TTC28: variants seen among roughly 807,000 people sequenced by gnomAD.
TTC28 encodes tetratricopeptide repeat domain 28.
Under a neutral mutation model 198.0 loss-of-function variants are expected in TTC28, and 61 were observed. The ratio of observed to expected loss-of-function variants is 0.31; its 90% CI spans 0.25 to 0.38. The LOEUF is 0.38. TTC28 is among the 10% of genes least tolerant of loss of function. The probability of loss-of-function intolerance (pLI) is 1.00; values close to 1 mark genes in which losing one functional copy is unlikely to be tolerated. For synonymous variants in TTC28, 1,171 were observed against 1,297.8 expected (o/e 0.90, Z 2.10); for missense variants, 2,678 against 3,164.0 (o/e 0.85, Z 3.69).
At chr22:28,395,292 CT>C in intron 2 of TTC28, among the ~76,000 whole-genome samples, 1 of 152,256 alleles carries the variant, frequency 6.6e-6, no homozygotes, top group South Asian at 2.1e-4. Flanking sequence ...TTTCTTCTTT[CT>C]TTCTCTTCCC....
At chr22:28,255,420 C>T (rs898501914) in intron 5 of TTC28, among the ~76,000 whole-genome samples, 3 of 152,172 alleles carry the variant, frequency 2.0e-5, no homozygotes, top group African/African-American at 7.2e-5. Context: ...CAGTGGCTCA[C>T]ACCTGTAATC....
At chr22:28,343,027 T>G (rs1165891836) in intron 2 of TTC28, among the ~76,000 whole-genome samples, 1 of 151,950 alleles carries the variant, frequency 6.6e-6, no homozygotes, top group Non-Finnish European at 1.5e-5. Context: ...TATGAAAACA[T>G]CTAGTTGGTG....
intron 5 of TTC28, among the ~76,000 whole-genome samples, chr22:28,286,031 A>ACT (rs2044680008): frequency 6.6e-6 from 1 of 151,428 alleles, no homozygotes; most frequent in Admixed American, 6.6e-5. Flanking sequence ...ACAGAATCTC[A>ACT]CTCTGTCACC....
At chr22:28,198,716 G>A (rs1408937893) in intron 5 of TTC28, among the ~76,000 whole-genome samples, 2 of 152,060 alleles carry the variant, frequency 1.3e-5, no homozygotes, top group East Asian at 1.9e-4. Flanking sequence ...TTCCACACAC[G>A]TATTGAGACT....
At chr22:28,273,443 CA>C (rs537755097) in intron 5 of TTC28, among the ~76,000 whole-genome samples, 3 of 150,298 alleles carry the variant, frequency 2.0e-5, no homozygotes, top group Non-Finnish European at 3.0e-5. Context: ...ATTGAAATTC[CA>C]AAAAAATAAC....
chr22:28,134,784 A>G (rs998208384), intron 6 of TTC28, among the ~76,000 whole-genome samples: 2 of 152,228 alleles, frequency 1.3e-5, no homozygotes, highest in Non-Finnish European at 2.9e-5. Flanking sequence ...GCAGGATATT[A>G]TCCAGGAGAA....
chr22:28,371,509 C>CAAAAAAAAAAAAAAAAAAAAAAAAAAAAA (rs1229801209), intron 2 of TTC28, among the ~76,000 whole-genome samples: 1 of 6,104 alleles, frequency 1.6e-4, no homozygotes, highest in African/African-American at 5.2e-4. Context: ...GACCCTGTCT[C>CAAAAAAAAAAAAAAAAAAAAAAAAAAAAA]AAAAAAAAAA....
chr22:28,080,527 G>A (rs950506339), intron 12 of TTC28, among the ~76,000 whole-genome samples: 1 of 145,618 alleles, frequency 6.9e-6, no homozygotes, highest in Non-Finnish European at 1.5e-5. Flanking sequence ...TTTTTAAATT[G>A]GATTTTGTTG....
intron 2 of TTC28, among the ~76,000 whole-genome samples, chr22:28,550,566 C>A (rs544861457): frequency 1.3e-5 from 2 of 152,068 alleles, no homozygotes; most frequent in Non-Finnish European, 2.9e-5. Context: ...TCATTTGTAT[C>A]AGTAGCAAAG....
At chr22:27,995,743 G>T (rs566732919) in intron 17 of TTC28, among the ~76,000 whole-genome samples, 91 of 152,284 alleles carry the variant, frequency 6.0e-4, no homozygotes, top group South Asian at 1.7e-3. Flanking sequence ...AAAGTGACTT[G>T]CCCAAAGCCA....
At chr22:28,279,714 T>C (rs1373021758) in intron 5 of TTC28, among the ~76,000 whole-genome samples, 1 of 152,142 alleles carries the variant, frequency 6.6e-6, no homozygotes. Context: ...GTAACCCAAA[T>C]ACATATTAAG....
intron 8 of TTC28, 51 bp from the exon 9 acceptor site, chr22:28,101,331 C>T (rs747783407): frequency 1.4e-6 from 2 of 1,433,922 alleles, no homozygotes; most frequent in Admixed American, 2.0e-5. Flanking sequence ...GATAATTCCA[C>T]TATCCTAAGG....
At chr22:28,629,423 T>C in intron 2 of TTC28, 129 bp downstream of exon 2, 1 of 934,670 alleles carries the variant, frequency 1.1e-6, no homozygotes, top group Non-Finnish European at 1.5e-6. Flanking sequence ...GAAGTCATTT[T>C]ATATTTTGCT....
intron 5 of TTC28, among the ~76,000 whole-genome samples, chr22:28,263,906 C>T (rs1249137818): frequency 1.3e-5 from 2 of 152,010 alleles, no homozygotes; most frequent in African/African-American, 2.4e-5. Flanking sequence ...TAGACTGATT[C>T]GTGGGTTATG....
chr22:28,348,650 C>G lies in TTC28; in HGVS notation c.382-42007G>C, dbSNP rs560774641. ...ATCCAGTTGTTTGGGAGCTGCCTTA[C>G]AAACATGCGGACCTTTCATTCATGA... is the stretch of plus-strand genomic sequence containing the variant. On this transcript the variant is annotated intron_variant, in intron 2 of 22. Coordinates refer to ENST00000397906, the MANE Select transcript of TTC28 (RefSeq NM_001145418.2). 3.9e-5 allele frequency among the ~76,000 whole-genome samples: 6 copies of G among 152,310 alleles called. No individual in the cohort carries two copies. In the South Asian group the frequency reaches 1.2e-3, roughly 32 times the overall value.
At chr22:28,062,410 CTTCTTTTTTTT>C (rs988227413) in intron 12 of TTC28, among the ~76,000 whole-genome samples, 3 of 101,678 alleles carry the variant, frequency 3.0e-5, no homozygotes, top group African/African-American at 1.3e-4. Flanking sequence ...GTTTTTAACT[CTTCTTTTTTTT>C]TTTTTTTTTT....
intron 2 of TTC28, among the ~76,000 whole-genome samples, chr22:28,609,849 C>A (rs2050790529): frequency 6.6e-6 from 1 of 152,232 alleles, no homozygotes; most frequent in Admixed American, 6.5e-5. Context: ...TTGAAATTCT[C>A]ACTGCCAGCA....
chr22:28,303,672 A>G (rs1236025636), intron 3 of TTC28: 1 of 152,286 alleles, frequency 6.6e-6, no homozygotes, highest in Non-Finnish European at 1.5e-5. Flanking sequence ...CCACAGGAAC[A>G]CTGTGCAGGT....
At chr22:28,144,627 T>C (rs961848612) in intron 6 of TTC28, among the ~76,000 whole-genome samples, 1 of 152,230 alleles carries the variant, frequency 6.6e-6, no homozygotes, top group African/African-American at 2.4e-5. Context: ...CGATGTGTAA[T>C]AACAGCAGTA....
Sources: gnomAD v4.1 joint callset for allele counts (sites outside exome capture counted in the v4.1 genomes callset) on GRCh38, gnomAD v4.1.1 for gene constraint, MANE v1.5 for transcripts, NCBI Gene and HGNC (gene_info 2026-07-23, HGNC 2026-07-21) for gene names.